Variants in MSH6 observed in about 807,000 individuals in gnomAD.
The protein encoded by MSH6 is DNA mismatch repair protein Msh6.
Under a neutral mutation model 119.1 loss-of-function variants are expected in MSH6, and 85 were observed. The ratio of observed to expected loss-of-function variants is 0.71; its 90% CI spans 0.60 to 0.85. The LOEUF (loss-of-function observed/expected upper bound fraction) is 0.85. MSH6 is among the 40% of genes least tolerant of loss of function. The pLI is 0.00. For synonymous variants in MSH6, 830 were observed against 586.9 expected (o/e 1.41, Z -5.99); for missense variants, 2,163 against 1,655.3 (o/e 1.31, Z -5.32).
chr2:47,807,104 A>G (rs1019023362), downstream of MSH6: 4 of 494,214 alleles, frequency 8.1e-6, no homozygotes, highest in African/African-American at 3.9e-5. Flanking sequence ...ACTGTCACCA[A>G]TACACATAAA....
Position 47,799,185 on chromosome 2 carries a change from A to G in MSH6, c.1202A>G (p.Asp401Gly), listed in dbSNP as rs1553412623. 4.3e-6 allele frequency: 7 copies of G among 1,614,104 alleles called. No homozygotes were observed. The highest frequency in any genetic ancestry group is 5.9e-6 in the Non-Finnish European group (7 of 1,180,006). ...GCATCTACACTCTATGTGCCTGAGG[A>G]TTTCCTCAATTCTTGTACTCCTGGG... ...FDASTLYVPE[D>G]FLNSCTPGMR... is the part of the protein sequence containing the mutation. The change falls in exon 4 of 10, where the codon GAT becomes GGT. Residue 401 changes from aspartate (D) to glycine (G), a missense_variant. Coordinates refer to ENST00000234420, the MANE Select transcript of MSH6 (RefSeq NM_000179.3).
chr2:47,791,179 A>T, intron 2 of MSH6, 56 bp downstream of exon 2: 1 of 1,489,980 alleles, frequency 6.7e-7, no homozygotes, highest in Non-Finnish European at 9.3e-7. Flanking sequence ...TGTGTGTGAG[A>T]GAAACAGACA....
chr2:47,793,173 T>C (rs747998233), intron 2 of MSH6, among the ~76,000 whole-genome samples: 5 of 150,990 alleles, frequency 3.3e-5, no homozygotes, highest in Non-Finnish European at 5.9e-5. Flanking sequence ...ATACAAAAAT[T>C]AGCTGGGCAT....
rs2104239639 is a variant in MSH6 at position 47,796,037 on chromosome 2, G to A, written c.601G>A (p.Glu201Lys). 1 of 1,614,160 alleles carries A rather than the reference G, an allele frequency of 6.2e-7. No homozygotes were observed. Residue 201 changes from glutamate (E) to lysine (K), a missense_variant, in exon 3 of 10, where the codon GAG (glutamate) becomes AAG (lysine). Glu to Lys is a moderately conservative substitution (Grantham distance 56). Transcript: ENST00000234420. ...LELAVCDEPS[E>K]PEEEEEMEVG... is the part of the protein sequence containing the mutation. ...ATTGGCAGTTTGTGATGAGCCCTCA[G>A]AGCCAGAAGAGGAAGAAGAGATGGA... is the stretch of plus-strand genomic sequence containing the variant.
At position 47,798,528 on chromosome 2, in the gene MSH6, C is replaced by T. The variant is rs773701508; in HGVS notation, c.628-83C>T. On this transcript the variant is annotated intron_variant, in intron 3 of 9. Coordinates refer to ENST00000234420, the MANE Select transcript of MSH6 (RefSeq NM_000179.3). ...GGCTGCACGGGTACCATTATAAAGT[C>T]AAAAAATCATAAGTTGAACTGTCTT... is the stretch of plus-strand genomic sequence containing the variant. The T allele has an allele frequency of 3.4e-6, 5 of 1,485,312 alleles. No individual in the cohort carries two copies. The African/African-American group carries it at 6.9e-5, about 21-fold the overall frequency. The allele number at this position is 1,485,312 out of a possible 1,614,324, so 92.0% of individuals were successfully genotyped here.
In MSH6 at chr2:47,800,536, CAAG is replaced by C. The variant is rs587782858; in HGVS notation, c.2561_2563del (p.Lys854del). 2.4e-5 allele frequency: 38 copies of C among 1,613,252 alleles called. No individual in the cohort carries two copies. The highest frequency in any genetic ancestry group is 1.6e-4 in the Middle Eastern group (1 of 6,082). On this transcript the variant is annotated inframe_deletion, in exon 4 of 10. Transcript: ENST00000234420. ...TAATGTATGAAGAAACTACATACAGCAAGAAGAAGATTATTGATTTTCTTTCTG... is the reference window on the plus strand; with the variant it reads ...TAATGTATGAAGAAACTACATACAGCAAGAAGATTATTGATTTTCTTTCTG...
In MSH6 at chr2:47,800,508, C is replaced by G. The variant is rs876660180; in HGVS notation, c.2525C>G (p.Ala842Gly). The G allele has an allele frequency of 4.3e-6, 7 of 1,612,936 alleles. No individual in the cohort carries two copies. Among genetic ancestry groups the G allele is most frequent in the Non-Finnish European group, 5.9e-6 (7 of 1,179,736 alleles). Residue 842 changes from alanine (A) to glycine (G), a missense_variant, in exon 4 of 10, where the codon GCT becomes GGT. By Grantham distance (60) the Ala-to-Gly change is moderately conservative. Coordinates refer to ENST00000234420, the MANE Select transcript of MSH6 (RefSeq NM_000179.3). ...AGTCAGAACCACCCAGACAGCAGGG[C>G]TATAATGTATGAAGAAACTACATAC... ...LKSQNHPDSR[A>G]IMYEETTYSK...
In MSH6 at chr2:47,800,945, C is replaced by T. The variant is rs61753795; in HGVS notation, c.2962C>T (p.Arg988Cys). ...GGAAATTCCTGAGAATTTCACCACT[C>T]GCAATTTGCCAGAAGAATACGAGTT... is the stretch of plus-strand genomic sequence containing the variant. ...QLEIPENFTT[R>C]NLPEEYELKS... Residue 988 changes from arginine to cysteine, a missense_variant, in exon 4 of 10, where the codon CGC becomes TGC. Transcript: ENST00000234420. 1.6e-5 allele frequency: 25 copies of T among 1,571,538 alleles called. No individual in the cohort carries two copies. Among genetic ancestry groups the T allele is most frequent in the Admixed American group, 1.9e-5 (1 of 52,812 alleles).
In MSH6 at chr2:47,799,968, T is replaced by C. The variant is rs1553413349; in HGVS notation, c.1985T>C (p.Met662Thr). The change falls in exon 4 of 10, where the codon ATG becomes ACG. Residue 662 changes from methionine to threonine, a missense_variant. Transcript: ENST00000234420. ...GVMLPQVLKGMTSESDSIGLT... is the reference protein window; with the variant it reads ...GVMLPQVLKGTTSESDSIGLT... ...ATGTTACCCCAGGTGCTTAAAGGTA[T>C]GACTTCAGAGTCTGATTCCATTGGG... 6.2e-7 allele frequency: 1 copy of C among 1,614,136 alleles called. No homozygotes were observed. The highest frequency in any genetic ancestry group is 8.5e-7 in the Non-Finnish European group (1 of 1,180,026).
At chr2:47,804,790 A>T in intron 5 of MSH6, 120 bp from the exon 6 acceptor site, 1 of 794,984 alleles carries the variant, frequency 1.3e-6, no homozygotes, top group Non-Finnish European at 2.3e-6. Flanking sequence ...ACCAACGTAC[A>T]TGTGATTGTG....
chr2:47,795,596 G>A (rs1183157408), intron 2 of MSH6, among the ~76,000 whole-genome samples: 1 of 151,516 alleles, frequency 6.6e-6, no homozygotes, highest in East Asian at 1.9e-4. Context: ...CTCCCAAGTA[G>A]CTGGGACTAC....
chr2:47,803,803 A>G (rs1330533879), intron 5 of MSH6, 118 bp downstream of exon 5: 2 of 1,150,538 alleles, frequency 1.7e-6, no homozygotes, highest in Non-Finnish European at 1.3e-6. Context: ...CTTAATAGGA[A>G]GCAAAGGGAA....
At chr2:47,808,533 C>A, downstream of MSH6, 1 of 979,794 alleles carries the variant, frequency 1.0e-6, no homozygotes, top group Non-Finnish European at 1.4e-6. Flanking sequence ...AGGACCAAAA[C>A]AAAATTCTTT....
At chr2:47,806,746 A>AAAAACTTTTTTTTTTTTTTTTTTT in intron 9 of MSH6, 33 bp from the exon 10 acceptor site, 17 of 1,524,960 alleles carry the variant, frequency 1.1e-5, no homozygotes, top group Non-Finnish European at 1.4e-5. Context: ...GAAAAAACAA[A>AAAAACTTTTTTTTTTTTTTTTTTT]AAAACTTTTT....
rs1558652077 is a variant in MSH6, at chr2:47,791,031, A to G, written c.365A>G (p.Glu122Gly). The G allele has an allele frequency of 6.2e-7, 1 of 1,614,176 alleles. No homozygotes were observed. The highest frequency in any genetic ancestry group is 8.5e-7 in the Non-Finnish European group (1 of 1,180,022). The part of the protein sequence containing the change: ...NHPFDGTFIR[E>G]KGKSVRVHVQ... ...CCCTTTGATGGAACATTCATCCGCG[A>G]GAAAGGGAAATCAGTCCGTGTTCAT... Residue 122 changes from glutamate to glycine, a missense_variant, in exon 2 of 10, where the codon GAG becomes GGG. By Grantham distance (98) the Glu-to-Gly change is moderately conservative. Transcript: ENST00000234420.
chr2:47,802,571 G>C (rs757613303), intron 4 of MSH6, among the ~76,000 whole-genome samples: 7 of 150,568 alleles, frequency 4.6e-5, no homozygotes, highest in East Asian at 1.9e-4. Flanking sequence ...ACCTCAAAGC[G>C]ATCTGCCCGC....
In MSH6 at chr2:47,806,879, TTTGAG is replaced by T. The variant is rs587779200; in HGVS notation, c.*24_*28del. ...ATTATAGACTGACTACATTGGAAGC[TTTGAG>T]TTGACTTCTGACAAAGGTGGTAAAT... is the stretch of plus-strand genomic sequence containing the variant. On this transcript the variant is annotated 3_prime_UTR_variant, in exon 10 of 10. Transcript: ENST00000234420. 361 of 1,577,130 alleles carry T rather than the reference TTTGAG, an allele frequency of 2.3e-4. No homozygotes were observed. The highest frequency in any genetic ancestry group is 2.9e-4 in the Non-Finnish European group (332 of 1,146,766).
In MSH6 at chr2:47,803,430, G is replaced by C. The variant is rs786203197; in HGVS notation, c.3183G>C (p.Leu1061=). 2 of 1,614,122 alleles carry C rather than the reference G, an allele frequency of 1.2e-6. No individual in the cohort carries two copies. The highest frequency in any genetic ancestry group is 1.7e-6 in the Non-Finnish European group (2 of 1,180,034). ...CCTCTCTTTTAACAGATGTTTTACTGTGCCTGGCTAACTATAGTCGAGGGG... is the reference window on the plus strand; with the variant it reads ...CCTCTCTTTTAACAGATGTTTTACTCTGCCTGGCTAACTATAGTCGAGGGG... ...VECIAVLDVL[L]CLANYSRGGD... The change falls in exon 5 of 10, where the codon CTG becomes CTC. Residue 1061 remains leucine (L), a synonymous_variant. Transcript: ENST00000234420.
At chr2:47,805,243 C>T (rs1221369282) in intron 6 of MSH6, among the ~76,000 whole-genome samples, 11 of 151,502 alleles carry the variant, frequency 7.3e-5, no homozygotes, top group African/African-American at 1.2e-4. Context: ...TGCAATGGCA[C>T]GATCTTGGCT....
Sources: gnomAD v4.1 joint callset for allele counts (sites outside exome capture counted in the v4.1 genomes callset) on GRCh38, gnomAD v4.1.1 for gene constraint, MANE v1.5 for transcripts, NCBI Gene and HGNC (gene_info 2026-07-23, HGNC 2026-07-21) for gene names.